Variants in CASP8 observed in about 807,000 individuals in gnomAD.
CASP8 encodes the protein caspase 8.
In CASP8, 24 loss-of-function variants were observed where a neutral mutation model predicts 46.3. The ratio of observed to expected loss-of-function variants is 0.52; its 90% CI spans 0.38 to 0.73. The LOEUF (loss-of-function observed/expected upper bound fraction) is 0.73. Ranked by LOEUF, CASP8 falls within the 30% of genes least tolerant of loss-of-function variation. The pLI is 0.00. For synonymous variants in CASP8, 188 were observed against 200.4 expected (o/e 0.94, Z 0.52); for missense variants, 460 against 559.0 (o/e 0.82, Z 1.79).
intron 8 of CASP8, among the ~76,000 whole-genome samples, chr2:201,285,809 C>T (rs1949531507): frequency 6.6e-6 from 1 of 152,186 alleles, no homozygotes; most frequent in South Asian, 2.1e-4. Context: ...TCCTCAAAAC[C>T]TCTTGGTGCA....
At chr2:201,278,105 G>GA (rs1365353910) in intron 7 of CASP8, 1 of 152,162 alleles carries the variant, frequency 6.6e-6, no homozygotes, top group Non-Finnish European at 1.5e-5. Context: ...GCTTGGTATT[G>GA]AAAAAAATAT....
Position 201,286,613 on chromosome 2 carries a change from TTTG to T in CASP8, c.*22_*24del. The T allele has an allele frequency of 6.2e-7, 1 of 1,605,834 alleles. No homozygotes were observed. Among genetic ancestry groups the T allele is most frequent in the Non-Finnish European group, 8.5e-7 (1 of 1,174,102 alleles). On this transcript the variant is annotated 3_prime_UTR_variant, in exon 9 of 9. Transcript: ENST00000673742. ...TGATTGATGGTGCTATTTTGTTTGT[TTTG>T]TTTTGTTTTGTTTTTTTGAGACAGA...
rs2125511823 is a variant in CASP8 at position 201,286,543 on chromosome 2, G to A, written c.1389G>A (p.Met463Ile). 1 of 1,614,042 alleles carries A rather than the reference G, an allele frequency of 6.2e-7. No individual in the cohort carries two copies. The highest frequency in any genetic ancestry group is 8.5e-7 in the Non-Finnish European group (1 of 1,179,886). The change falls in exon 9 of 9, where the codon ATG (methionine) becomes ATA (isoleucine). Residue 463 changes from methionine to isoleucine, a missense_variant. Physicochemically the swap from Met to Ile is conservative, Grantham distance 10. Transcript: ENST00000673742. ...ACAAGAAAAACATGGGGAAACAGATGCCTCAGCCTACTTTCACACTAAGAA... is the reference window on the plus strand; with the variant it reads ...ACAAGAAAAACATGGGGAAACAGATACCTCAGCCTACTTTCACACTAAGAA... ...KDDKKNMGKQ[M>I]PQPTFTLRKK...
At chr2:201,234,998 A>G (rs551083826) in intron 2 of CASP8, among the ~76,000 whole-genome samples, 1 of 152,340 alleles carries the variant, frequency 6.6e-6, no homozygotes, top group Non-Finnish European at 1.5e-5. Flanking sequence ...ATGAGGAAAG[A>G]AAGGCACTAA....
chr2:201,253,868 G>T (rs750692105), intron 2 of CASP8, among the ~76,000 whole-genome samples: 15 of 152,050 alleles, frequency 9.9e-5, no homozygotes, highest in Non-Finnish European at 2.2e-4. Context: ...GATCACCTAA[G>T]GTCGGGAGTT....
intron 7 of CASP8, among the ~76,000 whole-genome samples, 168 bp from the exon 8 acceptor site, chr2:201,284,648 G>A (rs1576387012): frequency 3.2e-4 from 1 of 3,086 alleles, no homozygotes; most frequent in African/African-American, 5.4e-4. Context: ...CTTTGGCTCG[G>A]CATGAGAGGG....
chr2:201,247,386 T>C (rs1408378619), intron 2 of CASP8, among the ~76,000 whole-genome samples: 1 of 151,950 alleles, frequency 6.6e-6, no homozygotes, highest in Admixed American at 6.6e-5. Flanking sequence ...ATAGCATCCA[T>C]GCTGAAGGCG....
rs35967729 is a variant in CASP8, at chr2:201,234,462, T to A, written c.-27+350T>A. ...TGAAAAGTTATTCTTTTTTATTTTT[T>A]TTTTTGAGAGGGAGTCTTGCTCTGT... On this transcript the variant is annotated intron_variant, in intron 2 of 6. Transcript: ENST00000264274. 5.8e-3 allele frequency among the ~76,000 whole-genome samples: 877 copies of A among 151,798 alleles called. 7 individuals are homozygous for A. The highest frequency in any genetic ancestry group is 0.018 in the African/African-American group (757 of 41,094).
chr2:201,241,297 A>G (rs1418329286), intron 2 of CASP8: 3 of 152,204 alleles, frequency 2.0e-5, no homozygotes, highest in Non-Finnish European at 4.4e-5. Flanking sequence ...GATAAACAAA[A>G]TCAACAAATC....
At chr2:201,248,611 C>T (rs35236468) in intron 2 of CASP8, among the ~76,000 whole-genome samples, 13 of 152,238 alleles carry the variant, frequency 8.5e-5, no homozygotes, top group African/African-American at 2.9e-4. Context: ...TCTTTTTGTC[C>T]GTTATCTGTT....
chr2:201,246,925 A>G (rs2124957707), intron 2 of CASP8, among the ~76,000 whole-genome samples: 1 of 152,292 alleles, frequency 6.6e-6, no homozygotes, highest in East Asian at 1.9e-4. Flanking sequence ...GTCTGGGCAC[A>G]GTGGCTTACT....
At chr2:201,245,864 C>CTTTTTTTTT (rs60096366) in intron 2 of CASP8, among the ~76,000 whole-genome samples, 4 of 124,456 alleles carry the variant, frequency 3.2e-5, no homozygotes, top group African/African-American at 6.6e-5. Context: ...CTTGTTTGTT[C>CTTTTTTTTT]TTTTTTTTTT....
upstream of CASP8, among the ~76,000 whole-genome samples, chr2:201,255,828 C>T (rs943773637): frequency 6.6e-6 from 1 of 152,144 alleles, no homozygotes; most frequent in Non-Finnish European, 1.5e-5. Context: ...GATCATAGCT[C>T]ACTGCAGCCT....
chr2:201,237,085 A>AT (rs34775964), intron 2 of CASP8, among the ~76,000 whole-genome samples: 5,309 of 88,000 alleles, frequency 0.06, 512 homozygotes, highest in African/African-American at 0.17. Context: ...ACCCCTTTCT[A>AT]TTTTTTTTTT....
Position 201,269,502 on chromosome 2 carries a change from C to T in CASP8, c.306-2014C>T, listed in dbSNP as rs574310665. The T allele has an allele frequency of 1.6e-5, 25 of 1,608,750 alleles. 1 individual carries two copies. The South Asian group carries it at 2.5e-4, about 16-fold the overall frequency. On this transcript the variant is annotated intron_variant, in intron 2 of 8. Transcript: ENST00000673742. ...TCATCTTGTGCCCACCATCTTGGTC[C>T]TTTGAAGGTTCCACTTCTGCCGCAT...
intron 2 of CASP8, among the ~76,000 whole-genome samples, chr2:201,270,690 C>T (rs1344963450): frequency 3.3e-5 from 5 of 151,922 alleles, no homozygotes; most frequent in Middle Eastern, 3.2e-3. Context: ...CCACCACACC[C>T]GGCTAATTTT....
chr2:201,275,488 T>C (rs1167233942), intron 6 of CASP8, among the ~76,000 whole-genome samples: 1 of 152,228 alleles, frequency 6.6e-6, no homozygotes, highest in African/African-American at 2.4e-5. Context: ...AAATACATCC[T>C]GACTTATTAG....
rs1283840041 is a variant in CASP8, at chr2:201,260,593, T to C, written c.-47T>C. 3.1e-6 allele frequency: 3 copies of C among 983,342 alleles called. No homozygotes were observed. The highest frequency in any genetic ancestry group is 3.5e-5 in the African/African-American group (2 of 57,294). 60.9% of individuals were successfully genotyped at this position (983,342 alleles called of 1,614,324 possible). ...GTAGTGGATAGGCCTGTGACGAAGG[T>C]GCTACCATCGTGAGAGTAAGGTAAG... On this transcript the variant is annotated 5_prime_UTR_variant, in exon 1 of 9. Coordinates refer to ENST00000673742, the MANE Select transcript of CASP8 (RefSeq NM_001372051.1).
intron 2 of CASP8, among the ~76,000 whole-genome samples, chr2:201,239,722 T>G (rs1946221640): frequency 6.6e-6 from 1 of 152,136 alleles, no homozygotes; most frequent in Non-Finnish European, 1.5e-5. Flanking sequence ...AGCAAGGAGC[T>G]CCTCCCTGTT....
Sources: allele counts gnomAD v4.1 joint callset (sites outside exome capture counted in the v4.1 genomes callset), GRCh38; gene constraint gnomAD v4.1.1; transcripts MANE v1.5; gene names NCBI Gene and HGNC (gene_info 2026-07-23, HGNC 2026-07-21).